LRFN5: variants seen among roughly 807,000 people sequenced by gnomAD.
LRFN5 encodes leucine-rich repeat and fibronectin type-III domain-containing protein 5.
LRFN5 carries 24 observed loss-of-function variants against 45.6 expected under a neutral mutation model. That is an observed-to-expected ratio of 0.53 (90% CI 0.38 to 0.74). The LOEUF (loss-of-function observed/expected upper bound fraction) is 0.74, where lower values mean the gene tolerates loss of function less well. Among genes scored for constraint, LRFN5 ranks in the 30% least tolerant of loss-of-function variants. The pLI, the probability that LRFN5 is intolerant of heterozygous loss-of-function variation, is 0.00. For synonymous variants in LRFN5, 340 were observed against 313.8 expected (o/e 1.08, Z -0.88); for missense variants, 776 against 861.5 (o/e 0.90, Z 1.24).
intron 2 of LRFN5, among the ~76,000 whole-genome samples, chr14:41,770,536 G>A (rs975450056): frequency 2.0e-5 from 3 of 152,142 alleles, no homozygotes; most frequent in Non-Finnish European, 4.4e-5. Context: ...AAAGCAAGGG[G>A]TAATAGACCC....
chr14:41,803,773 G>A (rs973819075), intron 2 of LRFN5, among the ~76,000 whole-genome samples: 1 of 152,130 alleles, frequency 6.6e-6, no homozygotes, highest in African/African-American at 2.4e-5. Flanking sequence ...CTGTTGCCCA[G>A]ATAGAGCTGA....
chr14:41,662,021 G>A (rs1002600576), intron 1 of LRFN5, among the ~76,000 whole-genome samples: 1 of 152,030 alleles, frequency 6.6e-6, no homozygotes, highest in Non-Finnish European at 1.5e-5. Context: ...AAGAGAAGGG[G>A]TGGGGGCTGC....
At chr14:41,871,613 A>G (rs979971538) in intron 2 of LRFN5, among the ~76,000 whole-genome samples, 5 of 152,096 alleles carry the variant, frequency 3.3e-5, no homozygotes, top group Non-Finnish European at 5.9e-5. Flanking sequence ...CCAAATTTAT[A>G]CAATAGGATG....
At chr14:41,849,814 A>G (rs748104179) in intron 2 of LRFN5, among the ~76,000 whole-genome samples, 11 of 151,934 alleles carry the variant, frequency 7.2e-5, no homozygotes, top group African/African-American at 1.2e-4. Context: ...ATTCTAAATC[A>G]CTGTCATTAT....
At position 41,658,199 on chromosome 14, in the gene LRFN5, A is replaced by G. The variant is rs548162808; in HGVS notation, c.-197+49637A>G. On this transcript the variant is annotated intron_variant, in intron 1 of 5. Transcript: ENST00000298119. The stretch of plus-strand genomic sequence containing the variant: ...AGCTTTTGTATTTGTTATTTCAATA[A>G]GGTATTGAAAACACATTTGTCAGGA... Among the ~76,000 whole-genome samples the G allele has an allele frequency of 2.0e-5, 3 of 152,154 alleles. No individual in the cohort carries two copies. In the South Asian group the frequency reaches 6.2e-4, roughly 32 times the overall value.
intron 1 of LRFN5, among the ~76,000 whole-genome samples, chr14:41,762,005 A>G (rs1885690400): frequency 6.6e-6 from 1 of 152,066 alleles, no homozygotes; most frequent in Admixed American, 6.6e-5. Flanking sequence ...TTATTAATTT[A>G]GCATCTCTTT....
intron 1 of LRFN5, among the ~76,000 whole-genome samples, chr14:41,654,996 A>G (rs950504750): frequency 7.9e-5 from 12 of 152,202 alleles, no homozygotes; most frequent in Non-Finnish European, 1.5e-4. Flanking sequence ...CTGTCTCTGT[A>G]TGCCACTGCC....
intron 1 of LRFN5, among the ~76,000 whole-genome samples, chr14:41,662,420 A>T (rs1880697473): frequency 1.3e-5 from 2 of 152,066 alleles, no homozygotes; most frequent in South Asian, 2.1e-4. Flanking sequence ...CCTGGAACTT[A>T]AGAACCAGTA....
chr14:41,787,193 C>T (rs1417840144), intron 2 of LRFN5, among the ~76,000 whole-genome samples: 1 of 152,028 alleles, frequency 6.6e-6, no homozygotes, highest in East Asian at 1.9e-4. Flanking sequence ...TAGCTGGATA[C>T]CAGACATAAT....
At chr14:41,684,864 A>G (rs1882054296) in intron 1 of LRFN5, among the ~76,000 whole-genome samples, 1 of 152,164 alleles carries the variant, frequency 6.6e-6, no homozygotes, top group African/African-American at 2.4e-5. Context: ...TGAAGTGGTA[A>G]TCCAGGGAAT....
chr14:41,660,293 T>G (rs1880586572), intron 1 of LRFN5, among the ~76,000 whole-genome samples: 1 of 152,120 alleles, frequency 6.6e-6, no homozygotes, highest in African/African-American at 2.4e-5. Context: ...CCCAAAGTTC[T>G]GGGATTACAG....
At position 41,887,424 on chromosome 14, in the gene LRFN5, C is replaced by T; in HGVS notation, c.799C>T (p.Pro267Ser). The T allele has an allele frequency of 6.2e-7, 1 of 1,614,164 alleles. No homozygotes were observed. Among genetic ancestry groups the T allele is most frequent in the Non-Finnish European group, 8.5e-7 (1 of 1,180,034 alleles). ...TGACTTAGAGACCTGTGCTTCTCCT[C>T]CACTTTTAACTGGCCGCTACTTTTG... The part of the protein sequence containing the change: ...EDDLETCASP[P>S]LLTGRYFWSI... The change falls in exon 3 of 6, where the codon CCA (proline) becomes TCA (serine). Residue 267 changes from proline to serine, a missense_variant. Physicochemically the swap from Pro to Ser is moderately conservative, Grantham distance 74 (BLOSUM62 -1). Transcript: ENST00000298119. This position sits in a 1 kb window ranked among gnomAD's most constrained non-coding sequence, Gnocchi z 4.8.
intron 1 of LRFN5, among the ~76,000 whole-genome samples, chr14:41,658,482 G>T (rs1880480636): frequency 6.6e-6 from 1 of 151,720 alleles, no homozygotes; most frequent in Non-Finnish European, 1.5e-5. Context: ...TAACCTCTAT[G>T]AACTTGTAAT....
intron 2 of LRFN5, among the ~76,000 whole-genome samples, chr14:41,856,488 G>C (rs1250110252): frequency 6.6e-6 from 1 of 151,732 alleles, no homozygotes; most frequent in Admixed American, 6.6e-5. Flanking sequence ...CCCTGGTGGA[G>C]GCAGTAATGG....
At chr14:41,751,310 T>A (rs143597758) in intron 1 of LRFN5, among the ~76,000 whole-genome samples, 113 of 152,240 alleles carry the variant, frequency 7.4e-4, no homozygotes, top group Non-Finnish European at 9.7e-4. Context: ...ATGGTAAAAT[T>A]CAAATGCACA....
intron 1 of LRFN5, among the ~76,000 whole-genome samples, chr14:41,706,946 G>A (rs555799499): frequency 3.3e-5 from 5 of 152,204 alleles, no homozygotes; most frequent in South Asian, 2.1e-4. Context: ...CCTGATCCAC[G>A]AAAATGGGCT....
chr14:41,652,120 A>G (rs1412057429), intron 1 of LRFN5, among the ~76,000 whole-genome samples: 1 of 152,128 alleles, frequency 6.6e-6, no homozygotes, highest in Non-Finnish European at 1.5e-5. Flanking sequence ...GAAGGAATGA[A>G]TGACTGATGT....
intron 2 of LRFN5, among the ~76,000 whole-genome samples, chr14:41,791,214 CT>C (rs2138944253): frequency 6.6e-6 from 1 of 151,880 alleles, no homozygotes; most frequent in Admixed American, 6.6e-5. Flanking sequence ...AACATTCCAA[CT>C]TTATTGAAAT....
rs570353896 is a variant in LRFN5 at position 41,787,227 on chromosome 14, GAT to G, written c.-21+20199_-21+20200del. Among the ~76,000 whole-genome samples the G allele has an allele frequency of 6.7e-3, 1,026 of 152,094 alleles. 8 individuals carry two copies. The highest frequency in any genetic ancestry group is 0.012 in the Non-Finnish European group (824 of 67,992). ...ATGAATTTTAAATTATTGGTTGTTG[GAT>G]TCAGGGTGACCCCAATGCAGATCTT... On this transcript the variant is annotated intron_variant, in intron 2 of 5. Coordinates refer to ENST00000298119, the MANE Select transcript of LRFN5 (RefSeq NM_152447.5).
Sources: allele counts gnomAD v4.1 joint callset (sites outside exome capture counted in the v4.1 genomes callset), GRCh38; gene constraint gnomAD v4.1.1; non-coding constraint Gnocchi (gnomAD v3.1); transcripts MANE v1.5; gene names NCBI Gene and HGNC (gene_info 2026-07-23, HGNC 2026-07-21).